Variants in CFAP299 observed in about 807,000 individuals in gnomAD.
CFAP299 encodes the protein cilia- and flagella-associated protein 299.
A neutral mutation model predicts 27.0 loss-of-function variants in CFAP299; 21 were observed. The ratio of observed to expected loss-of-function variants is 0.78; its 90% CI spans 0.55 to 1.12. The LOEUF (loss-of-function observed/expected upper bound fraction) is 1.12, where lower values mean the gene tolerates loss of function less well. Among genes scored for constraint, CFAP299 ranks in the 50% most tolerant of loss-of-function variants. The pLI is 0.00. For missense variants in CFAP299, 310 were observed against 276.6 expected (o/e 1.12, Z -0.86); for synonymous variants, 104 against 98.1 (o/e 1.06, Z -0.36).
intron 3 of CFAP299, among the ~76,000 whole-genome samples, chr4:80,716,223 T>G (rs1252542381): frequency 2.6e-5 from 4 of 152,036 alleles, no homozygotes; most frequent in Admixed American, 2.6e-4. Context: ...CAATATGACT[T>G]CCATGTGGAT....
chr4:80,858,215 C>T (rs995176164), intron 3 of CFAP299, among the ~76,000 whole-genome samples: 1 of 152,118 alleles, frequency 6.6e-6, no homozygotes. Context: ...GTAGTATTCT[C>T]TGATGGTAGT....
At chr4:80,602,755 T>G (rs1329371150) in intron 3 of CFAP299, among the ~76,000 whole-genome samples, 2 of 151,962 alleles carry the variant, frequency 1.3e-5, no homozygotes, top group Non-Finnish European at 2.9e-5. Flanking sequence ...AACAAGGCCA[T>G]CCTGTGAGAA....
intron 4 of CFAP299, among the ~76,000 whole-genome samples, chr4:80,908,939 T>C (rs1279006796): frequency 6.6e-6 from 1 of 151,996 alleles, no homozygotes; most frequent in Non-Finnish European, 1.5e-5. Flanking sequence ...CATTCTACCT[T>C]AGTTCTACCT....
At chr4:80,609,570 TCAA>T (rs889711877) in intron 3 of CFAP299, among the ~76,000 whole-genome samples, 9 of 152,062 alleles carry the variant, frequency 5.9e-5, no homozygotes, top group Non-Finnish European at 1.2e-4. Context: ...TCCAGAGTAA[TCAA>T]CGTTAATGTT....
intron 2 of CFAP299, among the ~76,000 whole-genome samples, chr4:80,402,471 T>TC (rs1726213126): frequency 6.6e-6 from 1 of 152,172 alleles, no homozygotes; most frequent in Non-Finnish European, 1.5e-5. Flanking sequence ...CTTTTGCCTC[T>TC]CTCATTTTCT....
intron 3 of CFAP299, among the ~76,000 whole-genome samples, chr4:80,726,995 C>T (rs1723202059): frequency 6.6e-6 from 1 of 151,824 alleles, no homozygotes; most frequent in South Asian, 2.1e-4. Flanking sequence ...CTTTCCACAC[C>T]CCACTCCACC....
chr4:80,676,861 AGTTT>A (rs1239168546), intron 3 of CFAP299, among the ~76,000 whole-genome samples: 2 of 151,718 alleles, frequency 1.3e-5, no homozygotes, highest in African/African-American at 4.8e-5. Context: ...TAGTATAGTT[AGTTT>A]GTTAATTTTA....
At chr4:80,908,208 C>T (rs555362743) in intron 4 of CFAP299, among the ~76,000 whole-genome samples, 2 of 152,290 alleles carry the variant, frequency 1.3e-5, no homozygotes, top group African/African-American at 4.8e-5. Context: ...GTGTAATGCA[C>T]TGTGGTGTTG....
intron 3 of CFAP299, among the ~76,000 whole-genome samples, chr4:80,668,174 A>G (rs111774293): frequency 0.038 from 5,746 of 149,970 alleles, 385 homozygotes; most frequent in African/African-American, 0.13. Context: ...TTTTTTGCTA[A>G]TTGTTCAAGC....
intron 2 of CFAP299, among the ~76,000 whole-genome samples, chr4:80,422,536 CT>C (rs1038000609): frequency 1.3e-4 from 20 of 152,006 alleles, no homozygotes; most frequent in Admixed American, 1.3e-3. Flanking sequence ...CCTGTTCTTT[CT>C]TTTTTACATG....
At chr4:80,775,316 C>T (rs1208624095) in intron 3 of CFAP299, among the ~76,000 whole-genome samples, 2 of 151,902 alleles carry the variant, frequency 1.3e-5, no homozygotes, top group African/African-American at 2.4e-5. Flanking sequence ...GGTGGAATTA[C>T]TGGCAAAGAT....
At position 80,913,169 on chromosome 4, in the gene CFAP299, G is replaced by A. The variant is rs368238734; in HGVS notation, c.477-31641G>A. Among the ~76,000 whole-genome samples, 617 of 152,300 alleles carry A rather than the reference G, an allele frequency of 4.1e-3. 1 individual carries two copies. Among genetic ancestry groups the A allele is most frequent in the Middle Eastern group, 0.014 (4 of 292 alleles). On this transcript the variant is annotated intron_variant, in intron 4 of 5. Transcript: ENST00000358105. Reference sequence around the variant, plus strand: ...AACTGGAGCAAGAATTTGAAAGATAGTAAGGTTCCAGATAAAAAGAAAATA... The same window carrying A: ...AACTGGAGCAAGAATTTGAAAGATAATAAGGTTCCAGATAAAAAGAAAATA...
At position 80,753,188 on chromosome 4, in the gene CFAP299, A is replaced by G. The variant is rs1252329830; in HGVS notation, c.334-116805A>G. Among the ~76,000 whole-genome samples, 3 of 152,086 alleles carry G rather than the reference A, an allele frequency of 2.0e-5. No homozygotes were observed. The East Asian group carries it at 5.8e-4, about 29-fold the overall frequency. On this transcript the variant is annotated intron_variant, in intron 3 of 5. Transcript: ENST00000358105. ...GTTTAGTGAAAGTCTGCTGGCAATG[A>G]AATGTCTCTATTTATTTTTGTCTAC...
At chr4:80,443,048 C>A (rs551406496) in intron 2 of CFAP299, among the ~76,000 whole-genome samples, 1 of 152,248 alleles carries the variant, frequency 6.6e-6, no homozygotes, top group East Asian at 1.9e-4. Flanking sequence ...TAGTTAATAG[C>A]CTACCAAACA....
At chr4:80,807,665 C>T (rs1165165548) in intron 3 of CFAP299, among the ~76,000 whole-genome samples, 2 of 152,000 alleles carry the variant, frequency 1.3e-5, no homozygotes, top group Non-Finnish European at 2.9e-5. Flanking sequence ...TGTTGTTTTG[C>T]TCTAACTGGT....
chr4:80,424,038 C>G (rs1727422012), intron 2 of CFAP299, among the ~76,000 whole-genome samples: 1 of 152,210 alleles, frequency 6.6e-6, no homozygotes, highest in Non-Finnish European at 1.5e-5. Context: ...CTCTGTAACT[C>G]TCAATGGGCC....
chr4:80,956,239 A>G (rs946185311), intron 5 of CFAP299, among the ~76,000 whole-genome samples: 1 of 152,218 alleles, frequency 6.6e-6, no homozygotes, highest in African/African-American at 2.4e-5. Context: ...ATTGCTTTGC[A>G]GTTAGACCAT....
At chr4:80,430,936 C>A (rs560897818) in intron 2 of CFAP299, among the ~76,000 whole-genome samples, 11 of 152,192 alleles carry the variant, frequency 7.2e-5, no homozygotes, top group South Asian at 2.1e-4. Context: ...TTGTGGGAAC[C>A]TTTTCTTCCA....
intron 2 of CFAP299, among the ~76,000 whole-genome samples, chr4:80,512,516 G>T (rs1007160853): frequency 1.3e-5 from 2 of 152,034 alleles, no homozygotes; most frequent in African/African-American, 4.8e-5. Context: ...CAGGGCTTTT[G>T]GCGAATAAGC....
Sources: allele counts gnomAD v4.1 joint callset (sites outside exome capture counted in the v4.1 genomes callset), GRCh38; gene constraint gnomAD v4.1.1; transcripts MANE v1.5; gene names NCBI Gene and HGNC (gene_info 2026-07-23, HGNC 2026-07-21).